DGKH: variants seen among roughly 807,000 people sequenced by gnomAD.
DGKH encodes diacylglycerol kinase eta, also known as DAG kinase eta.
Under a neutral mutation model 159.3 loss-of-function variants are expected in DGKH, and 90 were observed. That is an observed-to-expected ratio of 0.57 (90% CI 0.48 to 0.67). The LOEUF (loss-of-function observed/expected upper bound fraction) is 0.67, where lower values mean the gene tolerates loss of function less well. DGKH is among the 30% of genes least tolerant of loss of function. DGKH has a pLI of 0.00. For missense variants in DGKH, 1,181 were observed against 1,506.1 expected (o/e 0.78, Z 3.57); for synonymous variants, 536 against 553.8 (o/e 0.97, Z 0.45).
intron 12 of DGKH, among the ~76,000 whole-genome samples, chr13:42,176,578 T>A (rs991035016): frequency 2.0e-5 from 3 of 152,132 alleles, no homozygotes; most frequent in Non-Finnish European, 4.4e-5. Flanking sequence ...TTTGAAAGAG[T>A]AACATAACCA....
chr13:42,177,093 G>GTA (rs1329537136), intron 12 of DGKH, among the ~76,000 whole-genome samples: 2 of 152,132 alleles, frequency 1.3e-5, no homozygotes, highest in Non-Finnish European at 2.9e-5. Flanking sequence ...GGTCATAAAT[G>GTA]TATAGCTTGG....
chr13:42,213,945 C>T (rs997489075), intron 24 of DGKH, among the ~76,000 whole-genome samples: 8 of 152,152 alleles, frequency 5.3e-5, no homozygotes, highest in Non-Finnish European at 8.8e-5. Flanking sequence ...ACATGGATTC[C>T]GATCCTGGCT....
intron 1 of DGKH, among the ~76,000 whole-genome samples, chr13:42,089,480 T>C (rs1954372989): frequency 6.6e-6 from 1 of 152,220 alleles, no homozygotes; most frequent in Non-Finnish European, 1.5e-5. Flanking sequence ...AGAATGGGTC[T>C]CAGCTAAAAT....
At chr13:42,113,429 C>T (rs546474125) in intron 1 of DGKH, among the ~76,000 whole-genome samples, 4 of 152,178 alleles carry the variant, frequency 2.6e-5, no homozygotes, top group Non-Finnish European at 4.4e-5. Flanking sequence ...TAATGATCAG[C>T]CAGACTTTAG....
At chr13:42,252,783 T>C (rs1352037034) in intron 30 of DGKH, among the ~76,000 whole-genome samples, 1 of 151,952 alleles carries the variant, frequency 6.6e-6, no homozygotes, top group Non-Finnish European at 1.5e-5. Flanking sequence ...AGTCTTGATC[T>C]GTCACCCAGG....
intron 24 of DGKH, among the ~76,000 whole-genome samples, chr13:42,211,885 C>T (rs187669689): frequency 7.2e-4 from 109 of 152,146 alleles, no homozygotes; most frequent in African/African-American, 1.6e-3. Flanking sequence ...GTCACTATCA[C>T]GAGAACAGTA....
At chr13:42,250,855 T>C (rs1157838947) in intron 29 of DGKH, among the ~76,000 whole-genome samples, 1 of 152,190 alleles carries the variant, frequency 6.6e-6, no homozygotes, top group Non-Finnish European at 1.5e-5. Flanking sequence ...AAAACACTAA[T>C]ATGTAGCACT....
intron 1 of DGKH, 75 bp from the exon 2 acceptor site, chr13:42,127,388 G>T: frequency 1.0e-6 from 1 of 1,000,606 alleles, no homozygotes. Context: ...TAATGAAAAT[G>T]CACCATTGGC....
intron 1 of DGKH, among the ~76,000 whole-genome samples, chr13:42,109,959 A>ATATC (rs1003588470): frequency 2.0e-5 from 3 of 152,144 alleles, no homozygotes; most frequent in African/African-American, 7.2e-5. Context: ...GTATCTATCT[A>ATATC]TATCTATCTA....
At chr13:42,201,956 T>C (rs1052112171) in intron 20 of DGKH, among the ~76,000 whole-genome samples, 1 of 152,182 alleles carries the variant, frequency 6.6e-6, no homozygotes, top group Non-Finnish European at 1.5e-5. Context: ...AATGCCTTTT[T>C]TCCCCTACAT....
intron 7 of DGKH, among the ~76,000 whole-genome samples, chr13:42,165,023 C>T (rs1956277412): frequency 6.6e-6 from 1 of 151,956 alleles, no homozygotes; most frequent in South Asian, 2.1e-4. Context: ...TTTTTCTCTT[C>T]TCTGCCTCCC....
At chr13:42,110,707 T>C (rs1283519295) in intron 1 of DGKH, among the ~76,000 whole-genome samples, 1 of 151,464 alleles carries the variant, frequency 6.6e-6, no homozygotes, top group East Asian at 1.9e-4. Flanking sequence ...CCCATCTGTG[T>C]TCACATTTGA....
At chr13:42,049,083 AAGGCGGGGAAGGCGGG>A (rs1881032522) in intron 1 of DGKH, 118 bp downstream of exon 1, 2 of 628,670 alleles carry the variant, frequency 3.2e-6, no homozygotes, top group African/African-American at 5.9e-5. Flanking sequence ...GAAGGCGGGG[AAGGCGGGGAAGGCGGG>A]GAAGGCGGGG....
Position 42,069,632 on chromosome 13 carries a change from C to T in DGKH, c.192+20667C>T. 1.1e-5 allele frequency: 16 copies of T among 1,407,124 alleles called. No homozygotes were observed. The South Asian group carries it at 2.0e-4, about 18-fold the overall frequency. 87.2% of individuals were successfully genotyped at this position (1,407,124 alleles called of 1,614,324 possible). A position where few individuals can be genotyped will look rare whatever the true frequency, so the allele number is the denominator to read the frequency against. On this transcript the variant is annotated intron_variant, in intron 1 of 29. Transcript: ENST00000337343. ...TCACATTTTGATTTTCTTTTCTTAT[C>T]AGATTTTTCTTTGCTTTGTTCTTTC...
At position 42,062,494 on chromosome 13, in the gene DGKH, T is replaced by G. The variant is rs188385325; in HGVS notation, c.192+13529T>G. On this transcript the variant is annotated intron_variant, in intron 1 of 29. Transcript: ENST00000337343. The stretch of plus-strand genomic sequence containing the variant: ...GTAGCCAGAGCAGCAAGACCAGTTA[T>G]AAAGTCGTATTACCAGCGGGAAAAA... 1.3e-3 allele frequency among the ~76,000 whole-genome samples: 193 copies of G among 152,270 alleles called. 1 individual carries two copies. Among genetic ancestry groups the G allele is most frequent in the East Asian group, 0.012 (61 of 5,184 alleles).
At chr13:42,129,762 C>A in intron 3 of DGKH, 130 bp downstream of exon 3, 1 of 756,422 alleles carries the variant, frequency 1.3e-6, no homozygotes, top group Non-Finnish European at 2.2e-6. Flanking sequence ...CCAACACAAT[C>A]AGCTTTAAAT....
chr13:42,128,826 G>A (rs1220489390), intron 2 of DGKH, among the ~76,000 whole-genome samples: 3 of 152,280 alleles, frequency 2.0e-5, no homozygotes, highest in East Asian at 3.9e-4. Flanking sequence ...TTGAATTGAA[G>A]TAGACTAGTT....
At chr13:42,184,331 C>A (rs1403244720) in intron 13 of DGKH, among the ~76,000 whole-genome samples, 1 of 152,112 alleles carries the variant, frequency 6.6e-6, no homozygotes, top group Non-Finnish European at 1.5e-5. Context: ...ATTTTACTGT[C>A]ATTTGCCCAC....
At position 42,199,591 on chromosome 13, in the gene DGKH, A is replaced by G. The variant is rs771589981; in HGVS notation, c.2311A>G (p.Met771Val). ...SVDGYSEKCV[M>V]NNYFGIGLDA... ...AGATGGATATTCAGAAAAATGTGTC[A>G]TGAACAATTACTTTGGGATTGGATT... is the stretch of plus-strand genomic sequence containing the variant. Residue 771 changes from methionine (M) to valine (V), a missense_variant, in exon 19 of 30, where the codon ATG (methionine) becomes GTG (valine). Physicochemically the swap from Met to Val is conservative, Grantham distance 21. This residue lies in a region of DGKH where 335 missense variants were observed against 495.2 expected (regional missense o/e 0.68). Transcript: ENST00000337343. 3.1e-6 allele frequency: 5 copies of G among 1,601,536 alleles called. No individual in the cohort carries two copies. The highest frequency in any genetic ancestry group is 1.1e-5 in the South Asian group (1 of 87,402).
Sources: allele counts gnomAD v4.1 joint callset (sites outside exome capture counted in the v4.1 genomes callset), GRCh38; gene constraint gnomAD v4.1.1; regional missense constraint gnomAD v4.1.1; transcripts MANE v1.5; gene names NCBI Gene and HGNC (gene_info 2026-07-23, HGNC 2026-07-21).